IL1RAPL1: variants seen among roughly 807,000 people sequenced by gnomAD.
The protein encoded by IL1RAPL1 is interleukin-1 receptor accessory protein-like 1.
A neutral mutation model predicts 48.4 loss-of-function variants in IL1RAPL1; 3 were observed. The ratio of observed to expected loss-of-function variants is 0.06; its 90% CI spans 0.03 to 0.16. The LOEUF (loss-of-function observed/expected upper bound fraction) is 0.16. IL1RAPL1 is among the 10% of genes least tolerant of loss of function. IL1RAPL1 has a pLI of 1.00. For synonymous variants in IL1RAPL1, 185 were observed against 187.7 expected, an observed-to-expected ratio of 0.99 and a Z score of 0.12; for missense variants, 349 against 530.6, an observed-to-expected ratio of 0.66 and a Z score of 3.36.
At chrX:28,989,486 A>G (rs1415592715) in intron 2 of IL1RAPL1, among the ~76,000 whole-genome samples, 2 of 112,539 alleles carry the variant, frequency 1.8e-5, no homozygotes. Context: ...GAGCAGCCAG[A>G]TCAAGTGTTA....
intron 1 of IL1RAPL1, among the ~76,000 whole-genome samples, chrX:28,592,503 A>T (rs1393187815): frequency 2.7e-5 from 3 of 111,627 alleles, no homozygotes; most frequent in Non-Finnish European, 3.8e-5. Context: ...CTTTAGGGGG[A>T]GGCAATCCCC....
intron 8 of IL1RAPL1, 65 bp downstream of exon 8, chrX:29,920,159 A>G (rs1326727651): frequency 8.7e-7 from 1 of 1,146,823 alleles, no homozygotes; most frequent in Admixed American, 2.2e-5. Context: ...AATCATTGGG[A>G]ACCAAGAAAC....
At chrX:29,708,591 T>C (rs2147119336) in intron 6 of IL1RAPL1, among the ~76,000 whole-genome samples, 1 of 112,049 alleles carries the variant, frequency 8.9e-6, no homozygotes. Flanking sequence ...TGTGTATATA[T>C]ACCACATTAT....
intron 6 of IL1RAPL1, among the ~76,000 whole-genome samples, chrX:29,904,715 T>A (rs953003430): frequency 8.9e-6 from 1 of 112,205 alleles, no homozygotes; most frequent in Non-Finnish European, 1.9e-5. Flanking sequence ...TCCTTTTTTA[T>A]GGCTGCATAG....
intron 6 of IL1RAPL1, among the ~76,000 whole-genome samples, chrX:29,814,013 C>T (rs149973133): frequency 0.025 from 2,805 of 111,758 alleles, 95 homozygotes; most frequent in African/African-American, 0.087. Context: ...TAGGTTGATT[C>T]CATGTCTTTA....
intron 2 of IL1RAPL1, among the ~76,000 whole-genome samples, chrX:28,941,746 A>G (rs1267800225): frequency 1.8e-5 from 2 of 111,035 alleles, no homozygotes; most frequent in Admixed American, 1.9e-4. Flanking sequence ...TGATTACATC[A>G]TTTGCATAGA....
intron 1 of IL1RAPL1, among the ~76,000 whole-genome samples, chrX:28,776,564 G>A (rs1236358687): frequency 8.9e-6 from 1 of 111,869 alleles, no homozygotes; most frequent in East Asian, 2.8e-4. Flanking sequence ...ATAGTCTGCA[G>A]GTTGAACATT....
chrX:29,370,216 CT>C (rs1321469789), intron 3 of IL1RAPL1, among the ~76,000 whole-genome samples: 4 of 108,715 alleles, frequency 3.7e-5, no homozygotes, highest in Non-Finnish European at 3.8e-5. Flanking sequence ...CGGCTATTGG[CT>C]TTTTTTTTCT....
chrX:29,704,610 A>C (rs1927142309), intron 6 of IL1RAPL1, among the ~76,000 whole-genome samples: 1 of 111,390 alleles, frequency 9.0e-6, no homozygotes, highest in East Asian at 2.8e-4. Context: ...CAGAGGTTGC[A>C]GTGAGCCGAG....
intron 5 of IL1RAPL1, among the ~76,000 whole-genome samples, chrX:29,498,482 T>C (rs1424927910): frequency 8.9e-6 from 1 of 112,038 alleles, no homozygotes; most frequent in Non-Finnish European, 1.9e-5. Context: ...ATTTGATTCC[T>C]TACGCTTAGT....
At chrX:28,684,918 A>G (rs1935095727) in intron 1 of IL1RAPL1, among the ~76,000 whole-genome samples, 1 of 111,842 alleles carries the variant, frequency 8.9e-6, no homozygotes, top group African/African-American at 3.3e-5. Context: ...ATAACCTTAA[A>G]ATGAGTCATT....
At chrX:29,343,109 A>G (rs1933105324) in intron 3 of IL1RAPL1, among the ~76,000 whole-genome samples, 1 of 111,918 alleles carries the variant, frequency 8.9e-6, no homozygotes, top group African/African-American at 3.3e-5. Context: ...AAAACAATAT[A>G]ATTGTTGATT....
chrX:28,822,991 C>T (rs1308253185), intron 2 of IL1RAPL1, among the ~76,000 whole-genome samples: 2 of 111,495 alleles, frequency 1.8e-5, no homozygotes, highest in Non-Finnish European at 3.8e-5. Flanking sequence ...AAGAGTTTCC[C>T]AGAATTCCAT....
At chrX:29,344,092 C>T (rs754768513) in intron 3 of IL1RAPL1, among the ~76,000 whole-genome samples, 45 of 112,385 alleles carry the variant, frequency 4.0e-4, no homozygotes, top group African/African-American at 1.5e-3. Flanking sequence ...CTTATGTTTT[C>T]GTTATTCAAT....
chrX:29,889,379 C>CTATT (rs1405182308), intron 6 of IL1RAPL1, among the ~76,000 whole-genome samples: 1 of 111,587 alleles, frequency 9.0e-6, no homozygotes, highest in African/African-American at 3.3e-5. Flanking sequence ...TTCAAACTTC[C>CTATT]TATTTTTATT....
intron 1 of IL1RAPL1, among the ~76,000 whole-genome samples, chrX:28,724,631 T>C (rs1249405641): frequency 9.0e-6 from 1 of 111,323 alleles, no homozygotes; most frequent in African/African-American, 3.3e-5. Context: ...AATTTGGTCC[T>C]GTCATTATGA....
intron 9 of IL1RAPL1, among the ~76,000 whole-genome samples, chrX:29,946,743 T>C (rs1382627227): frequency 1.8e-5 from 2 of 112,067 alleles, no homozygotes; most frequent in Non-Finnish European, 3.8e-5. Flanking sequence ...AGTGGTAGGA[T>C]TGAACTCACC....
chrX:28,957,873 C>T (rs1158986560), intron 2 of IL1RAPL1, among the ~76,000 whole-genome samples: 1 of 109,879 alleles, frequency 9.1e-6, no homozygotes, highest in African/African-American at 3.3e-5. Flanking sequence ...GCAGGAGAAT[C>T]GCTTGAACCC....
At chrX:29,885,081 G>A (rs181738632) in intron 6 of IL1RAPL1, among the ~76,000 whole-genome samples, 49 of 111,208 alleles carry the variant, frequency 4.4e-4, no homozygotes, top group Middle Eastern at 9.2e-3. Flanking sequence ...ACTTTCTTAT[G>A]CCACAACAGC....
Sources: allele counts gnomAD v4.1 joint callset (sites outside exome capture counted in the v4.1 genomes callset), GRCh38; gene constraint gnomAD v4.1.1; transcripts MANE v1.5; gene names NCBI Gene and HGNC (gene_info 2026-07-23, HGNC 2026-07-21).